Variants in TMEM178B observed in about 807,000 individuals in gnomAD.
TMEM178B encodes transmembrane protein 178B.
Under a neutral mutation model 31.0 loss-of-function variants are expected in TMEM178B, and 5 were observed. The observed-to-expected ratio is 0.16, with a 90% CI of 0.08 to 0.34. The LOEUF is 0.34. Ranked by LOEUF, TMEM178B falls within the 10% of genes least tolerant of loss-of-function variation. TMEM178B has a pLI of 1.00. For missense variants in TMEM178B, 275 were observed against 400.3 expected (o/e 0.69, Z 2.67); for synonymous variants, 164 against 164.0 (o/e 1.00, Z 0.00).
chr7:141,464,415 A>G (rs931703879), intron 3 of TMEM178B, among the ~76,000 whole-genome samples: 3 of 152,108 alleles, frequency 2.0e-5, no homozygotes, highest in Non-Finnish European at 4.4e-5. Context: ...TCGGGGACCC[A>G]CCATTCAGGG....
chr7:141,399,153 TTTTCTTG>T (rs1367538317), intron 2 of TMEM178B, among the ~76,000 whole-genome samples: 1 of 152,232 alleles, frequency 6.6e-6, no homozygotes, highest in African/African-American at 2.4e-5. Flanking sequence ...TTCCCTCCCA[TTTTCTTG>T]TTTCTTATCT....
At chr7:141,173,640 G>A (rs189695654) in intron 1 of TMEM178B, among the ~76,000 whole-genome samples, 2 of 152,294 alleles carry the variant, frequency 1.3e-5, no homozygotes, top group African/African-American at 2.4e-5. Flanking sequence ...CCTTCTGAAT[G>A]TCAACCTCAA....
At position 141,182,568 on chromosome 7, in the gene TMEM178B, C is replaced by T. The variant is rs144206041; in HGVS notation, c.383-30023C>T. Reference sequence around the variant, plus strand: ...AGAGAAGAGAAGTGGGTCACCTGGCCGGAAAGAATTAGTAAGGGAAACAGA... The same window carrying T: ...AGAGAAGAGAAGTGGGTCACCTGGCTGGAAAGAATTAGTAAGGGAAACAGA... On this transcript the variant is annotated intron_variant, in intron 1 of 3. Coordinates refer to ENST00000565468, the MANE Select transcript of TMEM178B (RefSeq NM_001195278.2). 7.3e-3 allele frequency among the ~76,000 whole-genome samples: 1,110 copies of T among 152,176 alleles called. 8 individuals carry two copies. Among genetic ancestry groups the T allele is most frequent in the Middle Eastern group, 0.01 (3 of 294 alleles).
At chr7:141,401,910 T>A (rs1800783944) in intron 2 of TMEM178B, among the ~76,000 whole-genome samples, 1 of 152,114 alleles carries the variant, frequency 6.6e-6, no homozygotes, top group South Asian at 2.1e-4. Flanking sequence ...TAACTCCGGG[T>A]AAACACCCCT....
At chr7:141,331,644 A>G (rs1255110912) in intron 2 of TMEM178B, among the ~76,000 whole-genome samples, 1 of 152,220 alleles carries the variant, frequency 6.6e-6, no homozygotes, top group Non-Finnish European at 1.5e-5. Flanking sequence ...TCTCTTGTGA[A>G]GAGCCTTGCT....
intron 2 of TMEM178B, among the ~76,000 whole-genome samples, chr7:141,351,268 G>C (rs561984400): frequency 1.3e-5 from 2 of 152,262 alleles, no homozygotes; most frequent in Admixed American, 1.3e-4. Flanking sequence ...TGAGTTGGCA[G>C]TGTGATCTGG....
At chr7:141,434,991 CTTTA>C (rs1801507393) in intron 2 of TMEM178B, among the ~76,000 whole-genome samples, 1 of 152,178 alleles carries the variant, frequency 6.6e-6, no homozygotes, top group Non-Finnish European at 1.5e-5. Flanking sequence ...AACACATTTT[CTTTA>C]TTCATTCATT....
chr7:141,421,937 G>A (rs183219711), intron 2 of TMEM178B, among the ~76,000 whole-genome samples: 5 of 151,896 alleles, frequency 3.3e-5, no homozygotes, highest in South Asian at 4.2e-4. Context: ...AGATTTGGGG[G>A]TAAACTGTCA....
intron 2 of TMEM178B, among the ~76,000 whole-genome samples, chr7:141,410,974 A>G (rs1253962498): frequency 1.3e-5 from 2 of 152,256 alleles, no homozygotes; most frequent in Non-Finnish European, 2.9e-5. Flanking sequence ...CAAATGTTGT[A>G]TGGTTCCATG....
rs574853189 is a variant in TMEM178B at position 141,458,352 on chromosome 7, A to G, written c.635-12184A>G. ...AACAAGCTTCTTCACAGACCCACCA[A>G]TGTCATCATGTACCCCCACTGGAGG... On this transcript the variant is annotated intron_variant, in intron 3 of 3. Coordinates refer to ENST00000565468, the MANE Select transcript of TMEM178B (RefSeq NM_001195278.2). Among the ~76,000 whole-genome samples, 41 of 152,234 alleles carry G rather than the reference A, an allele frequency of 2.7e-4. 1 individual carries two copies. Among genetic ancestry groups the G allele is most frequent in the African/African-American group, 9.4e-4 (39 of 41,536 alleles).
chr7:141,356,660 G>C (rs2116539571), intron 2 of TMEM178B, among the ~76,000 whole-genome samples: 2 of 151,148 alleles, frequency 1.3e-5, no homozygotes, highest in East Asian at 3.9e-4. Context: ...GCGGGGGGGT[G>C]GTCTCTGCCT....
chr7:141,433,903 C>G (rs1801484829), intron 2 of TMEM178B, among the ~76,000 whole-genome samples: 1 of 152,176 alleles, frequency 6.6e-6, no homozygotes, highest in African/African-American at 2.4e-5. Flanking sequence ...AATACACAGG[C>G]CTGGCCTCTG....
chr7:141,341,941 C>G (rs1397993470), intron 2 of TMEM178B, among the ~76,000 whole-genome samples: 2 of 152,102 alleles, frequency 1.3e-5, no homozygotes, highest in Admixed American at 1.3e-4. Flanking sequence ...CAAATTACGT[C>G]AAAATACAAC....
At position 141,249,627 on chromosome 7, in the gene TMEM178B, T is replaced by C. The variant is rs6943661; in HGVS notation, c.496+36923T>C. ...CTGACACTGAACTCTGCCCTGTTGG[T>C]AATTACATGGGACCCAGTGAGAAAA... On this transcript the variant is annotated intron_variant, in intron 2 of 3. Transcript: ENST00000565468. Among the ~76,000 whole-genome samples the C allele has an allele frequency of 5.4e-3, 798 of 148,120 alleles. 9 individuals carry two copies. The highest frequency in any genetic ancestry group is 0.019 in the African/African-American group (760 of 40,326).
At chr7:141,460,770 G>T (rs932998701) in intron 3 of TMEM178B, among the ~76,000 whole-genome samples, 6 of 152,172 alleles carry the variant, frequency 3.9e-5, no homozygotes, top group African/African-American at 1.4e-4. Flanking sequence ...TCCACTCCTG[G>T]CAGAGTCCTC....
At chr7:141,125,971 G>A (rs1430593277) in intron 1 of TMEM178B, among the ~76,000 whole-genome samples, 1 of 152,194 alleles carries the variant, frequency 6.6e-6, no homozygotes. Flanking sequence ...ACTTTGTTGA[G>A]TGACTGCTAA....
At chr7:141,285,096 C>A in intron 2 of TMEM178B, among the ~76,000 whole-genome samples, 1 of 148,798 alleles carries the variant, frequency 6.7e-6, no homozygotes, top group Non-Finnish European at 1.5e-5. Context: ...TGGATATCAC[C>A]AGTTTTTCCA....
chr7:141,260,520 G>T (rs1051056391), intron 2 of TMEM178B, among the ~76,000 whole-genome samples: 1 of 151,914 alleles, frequency 6.6e-6, no homozygotes, highest in Non-Finnish European at 1.5e-5. Context: ...TTGTATTTTG[G>T]TCATCTCTGA....
intron 1 of TMEM178B, among the ~76,000 whole-genome samples, chr7:141,108,672 G>A (rs191511315): frequency 1.7e-4 from 26 of 152,224 alleles, no homozygotes; most frequent in Admixed American, 3.3e-4. Context: ...CCAGTATCCC[G>A]GCAGGCAGGT....
Sources: allele counts gnomAD v4.1 joint callset (sites outside exome capture counted in the v4.1 genomes callset), GRCh38; gene constraint gnomAD v4.1.1; transcripts MANE v1.5; gene names NCBI Gene and HGNC (gene_info 2026-07-23, HGNC 2026-07-21).